KIF6: variants seen among roughly 807,000 people sequenced by gnomAD.
The protein encoded by KIF6 is kinesin family member 6, also known as kinesin-like protein KIF6.
In KIF6, 106 loss-of-function variants were observed where a neutral mutation model predicts 112.7. The observed-to-expected ratio is 0.94, with a 90% CI of 0.80 to 1.11. KIF6 has a LOEUF of 1.11. Among genes scored for constraint, KIF6 ranks in the 50% least tolerant of loss-of-function variants. The pLI is 0.00. For missense variants in KIF6, 929 were observed against 964.0 expected (o/e 0.96, Z 0.48); for synonymous variants, 339 against 339.9 (o/e 1.00, Z 0.03).
chr6:39,561,644 G>A (rs951908963), intron 10 of KIF6, among the ~76,000 whole-genome samples: 20 of 152,070 alleles, frequency 1.3e-4, no homozygotes, highest in African/African-American at 4.3e-4. Context: ...GGTGTGAGCC[G>A]CCGCACCTGG....
At position 39,332,781 on chromosome 6, in the gene KIF6, TTC is replaced by T. The variant is rs1762788933; in HGVS notation, c.*3749_*3750del. The T allele has an allele frequency of 6.9e-6, 1 of 144,532 alleles. No individual in the cohort carries two copies. The highest frequency in any genetic ancestry group is 1.5e-5 in the Non-Finnish European group (1 of 66,906). The allele number at this position is 144,532 out of a possible 1,614,324, so 9.0% of individuals were successfully genotyped here. A position where few individuals can be genotyped will look rare whatever the true frequency, so the allele number is the denominator to read the frequency against. On this transcript the variant is annotated 3_prime_UTR_variant, in exon 23 of 23. Coordinates refer to ENST00000287152, the MANE Select transcript of KIF6 (RefSeq NM_145027.6). ...GATCTCCAGAGCATGCTCTCTCTCTTTCTCTCTCTTTTTTCTCCTCTCTCTCT... is the reference window on the plus strand; with the variant it reads ...GATCTCCAGAGCATGCTCTCTCTCTTTCTCTCTTTTTTCTCCTCTCTCTCT...
At chr6:39,412,106 T>C (rs2150353994) in intron 15 of KIF6, among the ~76,000 whole-genome samples, 1 of 152,308 alleles carries the variant, frequency 6.6e-6, no homozygotes, top group Non-Finnish European at 1.5e-5. Flanking sequence ...AAATCATTGC[T>C]TCCTTCTCTA....
chr6:39,372,481 T>C (rs1188235514), intron 16 of KIF6, among the ~76,000 whole-genome samples: 5 of 152,332 alleles, frequency 3.3e-5, no homozygotes, highest in East Asian at 1.9e-4. Context: ...TGGGATTCAC[T>C]TTTTACTACC....
At chr6:39,619,082 G>A (rs1314603230) in intron 5 of KIF6, among the ~76,000 whole-genome samples, 1 of 152,100 alleles carries the variant, frequency 6.6e-6, no homozygotes, top group Admixed American at 6.6e-5. Context: ...AACTAAGTTA[G>A]TTAATATAAT....
intron 10 of KIF6, among the ~76,000 whole-genome samples, chr6:39,562,482 C>G (rs1004609503): frequency 6.6e-6 from 1 of 152,202 alleles, no homozygotes; most frequent in Admixed American, 6.5e-5. Context: ...TTTTTGATAC[C>G]GAACCACGCA....
chr6:39,412,613 GAAT>G (rs913411234), intron 15 of KIF6, among the ~76,000 whole-genome samples: 2 of 152,048 alleles, frequency 1.3e-5, no homozygotes, highest in Admixed American at 1.3e-4. Flanking sequence ...TCTTTAACAG[GAAT>G]TATCTCATAT....
chr6:39,392,612 T>C (rs906241536), intron 15 of KIF6, among the ~76,000 whole-genome samples: 3 of 152,186 alleles, frequency 2.0e-5, no homozygotes, highest in African/African-American at 7.2e-5. Context: ...TAAAAATTAG[T>C]CATTGAAACA....
intron 13 of KIF6, among the ~76,000 whole-genome samples, chr6:39,508,507 C>G (rs1224647126): frequency 1.3e-5 from 2 of 152,042 alleles, no homozygotes; most frequent in African/African-American, 4.8e-5. Context: ...CACTTCTGCC[C>G]AAATACTGTA....
chr6:39,414,866 C>A (rs1242099528), intron 15 of KIF6, among the ~76,000 whole-genome samples: 1 of 151,818 alleles, frequency 6.6e-6, no homozygotes, highest in African/African-American at 2.4e-5. Context: ...TGGCCACTTA[C>A]AAAGGCCATT....
intron 4 of KIF6, among the ~76,000 whole-genome samples, chr6:39,638,498 A>G (rs1366413398): frequency 1.3e-5 from 2 of 152,124 alleles, no homozygotes; most frequent in East Asian, 3.8e-4. Flanking sequence ...GATCCAACAT[A>G]TATGCTATAC....
Position 39,336,533 on chromosome 6 carries a change from C to A in KIF6, c.2444G>T (p.Ter815LeuextTer39). ...ILQKQCLGSN[*>L] ...CATGGATGGATATTTCCTGGAAATT[C>A]AATTGCTTCCCAAACCTGAAAGGGA... Residue 815 changes from the stop codon to leucine, a stop_lost, in exon 23 of 23, where the codon TGA becomes TTA. Coordinates refer to ENST00000287152, the MANE Select transcript of KIF6 (RefSeq NM_145027.6). 1 of 1,613,918 alleles carries A rather than the reference C, an allele frequency of 6.2e-7. No individual in the cohort carries two copies. The highest frequency in any genetic ancestry group is 8.5e-7 in the Non-Finnish European group (1 of 1,179,856).
intron 13 of KIF6, among the ~76,000 whole-genome samples, chr6:39,485,014 C>G (rs1775035124): frequency 6.6e-6 from 1 of 152,216 alleles, no homozygotes; most frequent in Non-Finnish European, 1.5e-5. Flanking sequence ...TCATCTCCCC[C>G]AGGGCTCTCT....
chr6:39,578,668 G>A (rs1781120744), intron 9 of KIF6, among the ~76,000 whole-genome samples: 1 of 152,088 alleles, frequency 6.6e-6, no homozygotes, highest in Admixed American at 6.6e-5. Context: ...CATTACTGAT[G>A]TAACTGGAAC....
chr6:39,600,211 C>T (rs1214945925), intron 6 of KIF6, among the ~76,000 whole-genome samples: 1 of 152,114 alleles, frequency 6.6e-6, no homozygotes, highest in Non-Finnish European at 1.5e-5. Context: ...ACCATTTAGG[C>T]AGATTCATTC....
At chr6:39,508,402 C>A (rs914478918) in intron 13 of KIF6, among the ~76,000 whole-genome samples, 3 of 152,118 alleles carry the variant, frequency 2.0e-5, no homozygotes, top group African/African-American at 7.2e-5. Context: ...CGAAGCAGGG[C>A]AGGGCGTCGC....
intron 7 of KIF6, among the ~76,000 whole-genome samples, chr6:39,587,017 T>TATAG (rs1781672606): frequency 6.6e-6 from 1 of 152,236 alleles, no homozygotes; most frequent in Admixed American, 6.5e-5. Context: ...AAGTGCTGTA[T>TATAG]ATAGGTTTGC....
chr6:39,497,930 C>T (rs1345736728), intron 13 of KIF6, among the ~76,000 whole-genome samples: 3 of 152,020 alleles, frequency 2.0e-5, no homozygotes, highest in Non-Finnish European at 4.4e-5. Context: ...TGTTGTTCAT[C>T]TTTAAAGAAA....
chr6:39,457,322 C>T (rs530835052), intron 13 of KIF6, among the ~76,000 whole-genome samples: 7 of 145,806 alleles, frequency 4.8e-5, no homozygotes, highest in Non-Finnish European at 9.1e-5. Context: ...TTGAAACCAA[C>T]GAGAACAAAG....
At chr6:39,593,416 A>T (rs1782062368) in intron 7 of KIF6, among the ~76,000 whole-genome samples, 1 of 152,028 alleles carries the variant, frequency 6.6e-6, no homozygotes, top group African/African-American at 2.4e-5. Flanking sequence ...TCTTCTACCG[A>T]CCTACTTGCT....
Sources: allele counts gnomAD v4.1 joint callset (sites outside exome capture counted in the v4.1 genomes callset), GRCh38; gene constraint gnomAD v4.1.1; transcripts MANE v1.5; gene names NCBI Gene and HGNC (gene_info 2026-07-23, HGNC 2026-07-21).